RBBP8: variants seen among roughly 807,000 people sequenced by gnomAD.
The protein encoded by RBBP8 is DNA endonuclease RBBP8.
A neutral mutation model predicts 108.3 loss-of-function variants in RBBP8; 88 were observed. The ratio of observed to expected loss-of-function variants is 0.81; its 90% confidence interval spans 0.68 to 0.97. The LOEUF is 0.97. Ranked by LOEUF, RBBP8 falls within the 50% of genes least tolerant of loss-of-function variation. The pLI is 0.00. For synonymous variants in RBBP8, 332 were observed against 348.2 expected (o/e 0.95, Z 0.52); for missense variants, 1,023 against 1,049.0 (o/e 0.98, Z 0.34).
chr18:22,916,411 T>A (rs919672608), intron 2 of RBBP8, among the ~76,000 whole-genome samples: 2 of 152,008 alleles, frequency 1.3e-5, no homozygotes, highest in African/African-American at 4.8e-5. Context: ...TATAGCTAAG[T>A]CACTATTATA....
At chr18:23,021,570 A>G (rs577491187) in intron 17 of RBBP8, among the ~76,000 whole-genome samples, 2 of 152,330 alleles carry the variant, frequency 1.3e-5, no homozygotes, top group East Asian at 1.9e-4. Context: ...ACAGTTGCCA[A>G]AAAATAGTAG....
At chr18:22,937,496 T>A (rs7234390) in intron 2 of RBBP8, among the ~76,000 whole-genome samples, 2,838 of 151,960 alleles carry the variant, frequency 0.019, 78 homozygotes, top group African/African-American at 0.064. Flanking sequence ...TTTTTTTTTT[T>A]TTTATTTTTT....
At chr18:22,976,084 A>G (rs1339612133) in intron 6 of RBBP8, among the ~76,000 whole-genome samples, 1 of 152,132 alleles carries the variant, frequency 6.6e-6, no homozygotes, top group Non-Finnish European at 1.5e-5. Flanking sequence ...AAACTTCAGT[A>G]AAACTATGTA....
chr18:23,011,682 G>A (rs558399202), intron 16 of RBBP8, among the ~76,000 whole-genome samples: 13 of 151,990 alleles, frequency 8.6e-5, no homozygotes, highest in African/African-American at 2.7e-4. Flanking sequence ...CTCATGATCC[G>A]CCTGCCTAGG....
chr18:22,992,734 C>T lies in RBBP8; in HGVS notation c.921-14C>T. 1 of 1,561,698 alleles carries T rather than the reference C, an allele frequency of 6.4e-7. No homozygotes were observed. The highest frequency in any genetic ancestry group is 8.8e-7 in the Non-Finnish European group (1 of 1,133,678). ...TAATTCTGTATTAAAGAATTGTTAT[C>T]ACTCTTTATTTAGATTTTCAGATTC... is the stretch of plus-strand genomic sequence containing the variant. On this transcript the variant is annotated splice_polypyrimidine_tract_variant and intron_variant, in intron 10 of 18. Transcript: ENST00000327155.
intron 17 of RBBP8, among the ~76,000 whole-genome samples, chr18:23,017,310 G>T (rs2046273495): frequency 1.3e-5 from 2 of 150,218 alleles, no homozygotes; most frequent in South Asian, 4.2e-4. Flanking sequence ...AGCCGAGATT[G>T]TGCCATTGCG....
chr18:22,994,694 A>G (rs922026790), intron 12 of RBBP8, among the ~76,000 whole-genome samples: 23 of 151,200 alleles, frequency 1.5e-4, no homozygotes, highest in Admixed American at 1.2e-3. Flanking sequence ...ATATATAGGC[A>G]TCTTTTCATA....
chr18:22,997,471 T>G, intron 13 of RBBP8, 149 bp from the exon 14 acceptor site: 2 of 641,386 alleles, frequency 3.1e-6, no homozygotes, highest in Non-Finnish European at 5.6e-6. Flanking sequence ...CCTTACCTGT[T>G]CGTAAAGTAT....
rs147217963 is a variant in RBBP8 at position 22,978,182 on chromosome 18, A to G, written c.428+2963A>G. ...TTAAAACTTTTTTACAGACTCATGA[A>G]GGGAAACCCCAGATCCATAATTATA... On this transcript the variant is annotated intron_variant, in intron 6 of 18. Coordinates refer to ENST00000327155, the MANE Select transcript of RBBP8 (RefSeq NM_002894.3). 6.6e-4 allele frequency among the ~76,000 whole-genome samples: 101 copies of G among 152,342 alleles called. 2 individuals are homozygous for G. In the Middle Eastern group the frequency reaches 0.014, roughly 21 times the overall value.
chr18:22,958,456 C>T (rs549233888), intron 4 of RBBP8, among the ~76,000 whole-genome samples: 9 of 152,256 alleles, frequency 5.9e-5, no homozygotes, highest in Admixed American at 3.9e-4. Flanking sequence ...TTCTCACTAC[C>T]CTTTTTCATG....
chr18:23,008,621 G>T (rs944661030), intron 16 of RBBP8, among the ~76,000 whole-genome samples: 24 of 152,068 alleles, frequency 1.6e-4, no homozygotes, highest in African/African-American at 5.8e-4. Context: ...CTGTTATCTG[G>T]AATCTGCCAT....
intron 3 of RBBP8, among the ~76,000 whole-genome samples, chr18:22,925,702 T>C (rs552214348): frequency 6.6e-6 from 1 of 152,320 alleles, no homozygotes; most frequent in East Asian, 1.9e-4. Flanking sequence ...TATCAAAGAA[T>C]TCTTTAATTA....
rs554044906 is a variant in RBBP8 at position 22,966,217 on chromosome 18, T to G, written c.249-2589T>G. ...AGAAAGGAGCAGAAATAGTTGCAAG[T>G]GTTGACTTTACCATCTTTAGTTAAG... On this transcript the variant is annotated intron_variant, in intron 4 of 18. Coordinates refer to ENST00000327155, the MANE Select transcript of RBBP8 (RefSeq NM_002894.3). Among the ~76,000 whole-genome samples, 5 of 152,314 alleles carry G rather than the reference T, an allele frequency of 3.3e-5. No homozygotes were observed. In the East Asian group the frequency reaches 7.7e-4, roughly 23 times the overall value.
At chr18:22,946,172 C>T (rs1911541086) in intron 2 of RBBP8, among the ~76,000 whole-genome samples, 1 of 152,174 alleles carries the variant, frequency 6.6e-6, no homozygotes, top group Non-Finnish European at 1.5e-5. Context: ...TTACAGTGAA[C>T]TTCTAATTAT....
intron 6 of RBBP8, among the ~76,000 whole-genome samples, chr18:22,976,987 G>A (rs371490831): frequency 6.6e-6 from 1 of 152,176 alleles, no homozygotes; most frequent in African/African-American, 2.4e-5. Context: ...TAGAAAAGAA[G>A]TGAAGGCTAA....
exon 2 of RBBP8, chr18:22,915,476 G>T (rs1909319051): frequency 6.6e-6 from 1 of 152,080 alleles, no homozygotes; most frequent in Non-Finnish European, 1.5e-5. Context: ...ATGAATTTCT[G>T]GTAATCCAGG....
chr18:22,981,091 T>G (rs1175012646), intron 6 of RBBP8, among the ~76,000 whole-genome samples: 1 of 146,850 alleles, frequency 6.8e-6, no homozygotes, highest in Non-Finnish European at 1.5e-5. Flanking sequence ...CCTGCCTCAG[T>G]CTCCCGGGAG....
chr18:22,924,383 TC>T (rs1028563289), intron 3 of RBBP8, among the ~76,000 whole-genome samples: 1 of 152,186 alleles, frequency 6.6e-6, no homozygotes, highest in Non-Finnish European at 1.5e-5. Flanking sequence ...TGCCTCGGCC[TC>T]CCAAAGTGCT....
chr18:23,006,518 TA>T, intron 16 of RBBP8, 86 bp downstream of exon 16: 4 of 1,191,142 alleles, frequency 3.4e-6, no homozygotes, highest in Non-Finnish European at 4.9e-6. Flanking sequence ...TCTTTTTTTT[TA>T]AAGACAGAGT....
Sources: allele counts gnomAD v4.1 joint callset (sites outside exome capture counted in the v4.1 genomes callset), GRCh38; gene constraint gnomAD v4.1.1; transcripts MANE v1.5; gene names NCBI Gene and HGNC (gene_info 2026-07-23, HGNC 2026-07-21).